Variants in FRMD3 observed in about 807,000 individuals in gnomAD.
FRMD3 encodes FERM domain containing 3.
A neutral mutation model predicts 70.2 loss-of-function variants in FRMD3; 33 were observed. The ratio of observed to expected loss-of-function variants is 0.47; its 90% CI spans 0.36 to 0.63. FRMD3 has a LOEUF of 0.63. Ranked by LOEUF, FRMD3 falls within the 20% of genes least tolerant of loss-of-function variation. The pLI is 0.00. For synonymous variants in FRMD3, 279 were observed against 255.9 expected (o/e 1.09, Z -0.86); for missense variants, 632 against 711.4 (o/e 0.89, Z 1.27).
At chr9:83,439,893 A>G (rs983494468) in intron 1 of FRMD3, among the ~76,000 whole-genome samples, 4 of 152,258 alleles carry the variant, frequency 2.6e-5, no homozygotes, top group Admixed American at 1.3e-4. Flanking sequence ...AGAAACTGGT[A>G]GAAAGACTAG....
chr9:83,545,531 G>A, the FRMD3 span, among the ~76,000 whole-genome samples: 8 of 151,778 alleles, frequency 5.3e-5, no homozygotes, highest in African/African-American at 1.9e-4. Flanking sequence ...CTAATTTTTT[G>A]TATTTTTAGT....
chr9:83,579,950 C>T, the FRMD3 span, among the ~76,000 whole-genome samples: 1 of 151,852 alleles, frequency 6.6e-6, no homozygotes. Context: ...ACAAATAGCC[C>T]AATTTAAAAA....
At chr9:83,577,529 T>C in the FRMD3 span, among the ~76,000 whole-genome samples, 10 of 152,008 alleles carry the variant, frequency 6.6e-5, no homozygotes, top group Non-Finnish European at 1.5e-4. Flanking sequence ...GTTGGACCCA[T>C]TCCTCACCAT....
intron 1 of FRMD3, among the ~76,000 whole-genome samples, chr9:83,528,141 T>C (rs776556979): frequency 6.6e-6 from 1 of 152,216 alleles, no homozygotes; most frequent in Non-Finnish European, 1.5e-5. Flanking sequence ...TTTTCCATGA[T>C]CAAAAGAAGG....
intron 1 of FRMD3, among the ~76,000 whole-genome samples, chr9:83,451,035 C>T (rs765218107): frequency 6.6e-6 from 1 of 152,192 alleles, no homozygotes; most frequent in Non-Finnish European, 1.5e-5. Flanking sequence ...GAGCAACGAA[C>T]ACGAGTTCCC....
chr9:83,479,654 A>G (rs1828493352), intron 1 of FRMD3, among the ~76,000 whole-genome samples: 1 of 51,844 alleles, frequency 1.9e-5, no homozygotes, highest in African/African-American at 1.1e-4. Flanking sequence ...GAAGGAAGGA[A>G]GGAAGGAAGG....
Position 83,500,506 on chromosome 9 carries a change from A to G in FRMD3, c.147+37579T>C, listed in dbSNP as rs1034139901. 1.4e-3 allele frequency among the ~76,000 whole-genome samples: 179 copies of G among 126,626 alleles called. No homozygotes were observed. The East Asian group carries it at 0.016, about 11-fold the overall frequency. 83.1% of individuals were successfully genotyped at this position (126,626 alleles called of 152,430 possible). A position where few individuals can be genotyped will look rare whatever the true frequency, so the allele number is the denominator to read the frequency against. On this transcript the variant is annotated intron_variant, in intron 1 of 13. Transcript: ENST00000304195. ...GAGTGCTTGGCGTGTATGCGCGCAC[A>G]CACACACACACACACACACACACAC...
chr9:83,450,347 G>GTTTTTTTTT (rs763340189), intron 1 of FRMD3, among the ~76,000 whole-genome samples: 9 of 111,574 alleles, frequency 8.1e-5, no homozygotes, highest in East Asian at 2.6e-4. Context: ...GTCACCCTCA[G>GTTTTTTTTT]TTTTTTTTTT....
rs992736730 is a variant in FRMD3, at chr9:83,489,642, C to T, written c.147+48443G>A. Among the ~76,000 whole-genome samples the T allele has an allele frequency of 2.0e-5, 3 of 152,144 alleles. No individual in the cohort carries two copies. In the South Asian group the frequency reaches 6.2e-4, roughly 32 times the overall value. The stretch of plus-strand genomic sequence containing the variant: ...GCAAGGCTGTAGAGTAAAGGGAATG[C>T]TTATACACTGCTGGTGGGAATCCAA... On this transcript the variant is annotated intron_variant, in intron 1 of 13. Coordinates refer to ENST00000304195, the MANE Select transcript of FRMD3 (RefSeq NM_174938.6).
chr9:83,580,585 C>A, the FRMD3 span, among the ~76,000 whole-genome samples: 1 of 152,004 alleles, frequency 6.6e-6, no homozygotes, highest in Non-Finnish European at 1.5e-5. Flanking sequence ...CAGTAGAAAG[C>A]AGAATGATGG....
chr9:83,342,429 A>T (rs1008544754), intron 5 of FRMD3, among the ~76,000 whole-genome samples: 1 of 152,200 alleles, frequency 6.6e-6, no homozygotes, highest in Non-Finnish European at 1.5e-5. Flanking sequence ...TCACATGGCA[A>T]GGAAGGGAGG....
At chr9:83,504,605 C>A (rs925864813) in intron 1 of FRMD3, among the ~76,000 whole-genome samples, 12 of 148,500 alleles carry the variant, frequency 8.1e-5, no homozygotes, top group Admixed American at 2.0e-4. Flanking sequence ...CTTCCCCCCC[C>A]ACCACTTCTT....
chr9:83,408,108 A>G (rs1293949800), intron 1 of FRMD3, among the ~76,000 whole-genome samples: 1 of 152,058 alleles, frequency 6.6e-6, no homozygotes, highest in Non-Finnish European at 1.5e-5. Context: ...ACTGCATTCT[A>G]CTGATTACAA....
chr9:83,555,176 C>T, the FRMD3 span, among the ~76,000 whole-genome samples: 5 of 151,724 alleles, frequency 3.3e-5, no homozygotes, highest in African/African-American at 1.2e-4. Flanking sequence ...TCCACTTTGG[C>T]CCCCAGTCAC....
intron 1 of FRMD3, among the ~76,000 whole-genome samples, chr9:83,435,860 C>A (rs1178194410): frequency 6.6e-6 from 1 of 152,044 alleles, no homozygotes; most frequent in Non-Finnish European, 1.5e-5. Flanking sequence ...TTCTATCAAC[C>A]CTCTGCCCTA....
chr9:83,517,154 AC>A (rs2131540011), intron 1 of FRMD3, among the ~76,000 whole-genome samples: 1 of 151,868 alleles, frequency 6.6e-6, no homozygotes, highest in African/African-American at 2.4e-5. Context: ...GACATGAAAA[AC>A]CCTTCAAAAA....
chr9:83,518,012 T>C (rs1003898898), intron 1 of FRMD3, among the ~76,000 whole-genome samples: 1 of 152,222 alleles, frequency 6.6e-6, no homozygotes, highest in African/African-American at 2.4e-5. Context: ...CTATTATTTA[T>C]GACAAACACA....
intron 2 of FRMD3, among the ~76,000 whole-genome samples, chr9:83,385,717 T>C (rs896356438): frequency 6.6e-5 from 10 of 151,650 alleles, no homozygotes; most frequent in African/African-American, 9.7e-5. Context: ...TTACTTGCCA[T>C]TCAGAAAAAT....
chr9:83,458,299 C>A (rs751852100), intron 1 of FRMD3, among the ~76,000 whole-genome samples: 13 of 152,208 alleles, frequency 8.5e-5, no homozygotes, highest in Non-Finnish European at 1.8e-4. Flanking sequence ...AGGTCAGTAA[C>A]CACTGAAGCC....
Sources: allele counts gnomAD v4.1 joint callset (sites outside exome capture counted in the v4.1 genomes callset), GRCh38; gene constraint gnomAD v4.1.1; transcripts MANE v1.5; gene names NCBI Gene and HGNC (gene_info 2026-07-23, HGNC 2026-07-21).